MUSK: variants seen among roughly 807,000 people sequenced by gnomAD.
MUSK encodes muscle, skeletal receptor tyrosine-protein kinase.
A neutral mutation model predicts 88.7 loss-of-function variants in MUSK; 55 were observed. That is an observed-to-expected ratio of 0.62 (90% confidence interval 0.50 to 0.78). The LOEUF (loss-of-function observed/expected upper bound fraction) is 0.78. Among genes scored for constraint, MUSK ranks in the 30% least tolerant of loss-of-function variants. MUSK has a pLI of 0.00. For missense variants in MUSK, 1,015 were observed against 1,074.3 expected (o/e 0.94, Z 0.77); for synonymous variants, 387 against 391.9 (o/e 0.99, Z 0.15).
At position 110,676,338 on chromosome 9, in the gene MUSK, A is replaced by C. The variant is rs563691601; in HGVS notation, c.80-6336A>C. 4.7e-3 allele frequency among the ~76,000 whole-genome samples: 257 copies of C among 54,886 alleles called. 8 individuals are homozygous for C. Among genetic ancestry groups the C allele is most frequent in the African/African-American group, 0.022 (235 of 10,748 alleles). 36.0% of individuals were successfully genotyped at this position (54,886 alleles called of 152,430 possible). On this transcript the variant is annotated intron_variant, in intron 1 of 14. Coordinates refer to ENST00000374448, the MANE Select transcript of MUSK (RefSeq NM_005592.4). ...ATATATGTTGTATATATACACATAC[A>C]CACACATATATTATATATTATATAT... is the stretch of plus-strand genomic sequence containing the variant.
intron 7 of MUSK, among the ~76,000 whole-genome samples, chr9:110,761,294 T>A (rs2077394331): frequency 6.6e-6 from 1 of 152,050 alleles, no homozygotes; most frequent in African/African-American, 2.4e-5. Context: ...GGCAGCTACA[T>A]AATTTGCAGG....
In MUSK at chr9:110,734,269, G is replaced by A. The variant is rs188464904; in HGVS notation, c.647G>A (p.Arg216Gln). 44 of 1,612,518 alleles carry A rather than the reference G, an allele frequency of 2.7e-5. No homozygotes were observed. The highest frequency in any genetic ancestry group is 7.7e-5 in the South Asian group (7 of 90,954). ...CTAACAGTTTTTGCCAGGATCCTGC[G>A]GGCTCCTGAATCCCACAATGTCACC... ...LEVEVFARIL[R>Q]APESHNVTFG... Residue 216 changes from arginine (R) to glutamine (Q), a missense_variant, in exon 6 of 15, where the codon CGG (arginine) becomes CAG (glutamine). Physicochemically the swap from Arg to Gln is conservative, Grantham distance 43. Coordinates refer to ENST00000374448, the MANE Select transcript of MUSK (RefSeq NM_005592.4).
In MUSK at chr9:110,802,564, T is replaced by G. The variant is rs140168354; in HGVS notation, c.*1576T>G. Among the ~76,000 whole-genome samples the G allele has an allele frequency of 4.6e-4, 70 of 152,292 alleles. No homozygotes were observed. The highest frequency in any genetic ancestry group is 1.6e-3 in the African/African-American group (68 of 41,572). ...ACATCTTTGGTGGGAAACCTGCCAT[T>G]TCTTATTCATAGTGTCTCCAGGCAA... On this transcript the variant is annotated 3_prime_UTR_variant, in exon 15 of 15. Transcript: ENST00000374448.
At chr9:110,734,401 G>C in intron 6 of MUSK, 26 bp downstream of exon 6, 1 of 1,612,750 alleles carries the variant, frequency 6.2e-7, no homozygotes, top group African/African-American at 1.3e-5. Context: ...GTGGGGACTT[G>C]TCTGGGGAAG....
At chr9:110,701,909 A>G (rs1289219546) in intron 5 of MUSK, among the ~76,000 whole-genome samples, 1 of 121,226 alleles carries the variant, frequency 8.2e-6, no homozygotes, top group Non-Finnish European at 1.7e-5. Flanking sequence ...ATTTTATTTT[A>G]TTTTATTTTA....
chr9:110,742,273 T>C (rs2077111310), intron 6 of MUSK, among the ~76,000 whole-genome samples: 1 of 151,994 alleles, frequency 6.6e-6, no homozygotes, highest in Non-Finnish European at 1.5e-5. Flanking sequence ...GCTAACACGG[T>C]GAAAACCTCG....
intron 2 of MUSK, among the ~76,000 whole-genome samples, chr9:110,685,438 C>G (rs1399649656): frequency 2.6e-5 from 4 of 152,038 alleles, no homozygotes; most frequent in Admixed American, 1.3e-4. Flanking sequence ...AGCAGTTTTT[C>G]CCACTTATCT....
chr9:110,726,727 AAG>A (rs1340907266), intron 5 of MUSK, among the ~76,000 whole-genome samples: 3 of 152,026 alleles, frequency 2.0e-5, no homozygotes, highest in Admixed American at 2.0e-4. Context: ...GAAATAGAAA[AAG>A]AGAGAGAGGG....
chr9:110,752,838 A>G (rs751461551), intron 7 of MUSK, among the ~76,000 whole-genome samples: 5 of 152,200 alleles, frequency 3.3e-5, no homozygotes, highest in Non-Finnish European at 7.3e-5. Flanking sequence ...TTGTTTTAGA[A>G]ATGTGATATA....
intron 7 of MUSK, among the ~76,000 whole-genome samples, chr9:110,754,314 G>A (rs1263341466): frequency 6.6e-6 from 1 of 152,120 alleles, no homozygotes; most frequent in East Asian, 1.9e-4. Context: ...TGTTTTTGCT[G>A]ACTTCTAGAT....
In MUSK at chr9:110,682,654, G is replaced by C; in HGVS notation, c.80-20G>C. 1.2e-6 allele frequency: 2 copies of C among 1,608,352 alleles called. No individual in the cohort carries two copies. Among genetic ancestry groups the C allele is most frequent in the South Asian group, 2.2e-5 (2 of 89,782 alleles). On this transcript the variant is annotated intron_variant, in intron 1 of 14. Coordinates refer to ENST00000374448, the MANE Select transcript of MUSK (RefSeq NM_005592.4). ...ACAAAATTCTAGAATGTTCTCTTTT[G>C]ATTTCTCCTTTCCTTTCAGCTCCTG...
intron 5 of MUSK, among the ~76,000 whole-genome samples, chr9:110,699,724 G>A (rs964018528): frequency 6.6e-6 from 1 of 152,128 alleles, no homozygotes; most frequent in African/African-American, 2.4e-5. Flanking sequence ...AAGATGATGA[G>A]GCAGGGCCAT....
chr9:110,708,465 T>G (rs894138887), intron 5 of MUSK, among the ~76,000 whole-genome samples: 1 of 152,192 alleles, frequency 6.6e-6, no homozygotes, highest in African/African-American at 2.4e-5. Flanking sequence ...CTAACAGGTT[T>G]GATTTGCTGT....
At position 110,787,841 on chromosome 9, in the gene MUSK, AT is replaced by A; in HGVS notation, c.1927+4del. The A allele has an allele frequency of 6.2e-7, 1 of 1,608,414 alleles. No homozygotes were observed. ...CCCTAACATTGTGAAGCTATTAGGT[AT>A]GAAAATACAAGTGAGGATATGTATT... On this transcript the variant is annotated splice_donor_region_variant and intron_variant, in intron 14 of 14. Coordinates refer to ENST00000374448, the MANE Select transcript of MUSK (RefSeq NM_005592.4).
chr9:110,696,756 A>G (rs2076434742), intron 4 of MUSK, among the ~76,000 whole-genome samples: 1 of 152,178 alleles, frequency 6.6e-6, no homozygotes, highest in South Asian at 2.1e-4. Flanking sequence ...GATACCATCT[A>G]GGGTGCAAGG....
chr9:110,785,862 A>G (rs1318418861), intron 13 of MUSK, 144 bp downstream of exon 13: 3 of 461,758 alleles, frequency 6.5e-6, no homozygotes, highest in Non-Finnish European at 7.5e-6. Flanking sequence ...CTAATGATAT[A>G]GTACATATAT....
chr9:110,683,702 G>T (rs1012138280), intron 2 of MUSK, among the ~76,000 whole-genome samples: 1 of 152,056 alleles, frequency 6.6e-6, no homozygotes, highest in African/African-American at 2.4e-5. Flanking sequence ...ATATCTTATT[G>T]TAGTTTTTAT....
chr9:110,800,607 C>T lies in MUSK; in HGVS notation c.2229C>T (p.Asp743=), dbSNP rs1446492161. The T allele has an allele frequency of 3.7e-6, 6 of 1,611,502 alleles. No homozygotes were observed. The South Asian group carries it at 4.4e-5, about 12-fold the overall frequency. Residue 743 remains aspartate, a synonymous_variant, in exon 15 of 15, where the codon GAC becomes GAT. Transcript: ENST00000374448. ...VGENMVVKIA[D]FGLSRNIYSA... is the part of the protein sequence containing the mutation. ...AGAACATGGTGGTGAAAATTGCCGA[C>T]TTTGGCCTCTCCAGGAACATCTACT...
chr9:110,669,036 G>A, intron 1 of MUSK, 53 bp downstream of exon 1: 1 of 1,467,430 alleles, frequency 6.8e-7, no homozygotes, highest in Non-Finnish European at 9.6e-7. Context: ...TGTAAAGTGT[G>A]TGTATATGAG....
Sources: gnomAD v4.1 joint callset for allele counts (sites outside exome capture counted in the v4.1 genomes callset) on GRCh38, gnomAD v4.1.1 for gene constraint, MANE v1.5 for transcripts, NCBI Gene and HGNC (gene_info 2026-07-23, HGNC 2026-07-21) for gene names.